The following PLEKHO2 variants were observed in gnomAD, a reference collection of about 807,000 sequenced individuals.
The protein encoded by PLEKHO2 is pleckstrin homology domain-containing family O member 2.
In PLEKHO2, 20 loss-of-function variants were observed where a neutral mutation model predicts 32.7. That is an observed-to-expected ratio of 0.61 (90% CI 0.43 to 0.89). The LOEUF is 0.89. PLEKHO2 is among the 40% of genes least tolerant of loss of function. PLEKHO2 has a pLI of 0.00. For missense variants in PLEKHO2, 568 were observed against 621.2 expected (o/e 0.91, Z 0.91); for synonymous variants, 247 against 246.3 (o/e 1.00, Z -0.03).
At chr15:64,861,237 G>A (rs2084638619) in intron 4 of PLEKHO2, among the ~76,000 whole-genome samples, 2 of 152,252 alleles carry the variant, frequency 1.3e-5, no homozygotes, top group South Asian at 4.1e-4. Context: ...GGCAAGGGCC[G>A]ATGGCCCATA....
chr15:64,859,880 C>T lies in PLEKHO2; in HGVS notation c.280-14C>T, dbSNP rs369936713. 29 of 1,605,884 alleles carry T rather than the reference C, an allele frequency of 1.8e-5. No individual in the cohort carries two copies. The highest frequency in any genetic ancestry group is 2.5e-5 in the Non-Finnish European group (29 of 1,172,644). On this transcript the variant is annotated splice_polypyrimidine_tract_variant and intron_variant, in intron 3 of 5. Coordinates refer to ENST00000323544, the MANE Select transcript of PLEKHO2 (RefSeq NM_025201.5). The stretch of plus-strand genomic sequence containing the variant: ...TTAAACATCTGCCATCTACTCCATC[C>T]ATCTTGCCCACAGGTCAGCGACATC...
rs772358581 is a variant in PLEKHO2, at chr15:64,861,460, G to T, written c.385-17G>T. On this transcript the variant is annotated splice_polypyrimidine_tract_variant and intron_variant, in intron 4 of 5. Transcript: ENST00000323544. ...CCAAGGCTTGGCAGGGGCTGATCTGGTTCCCCCTCCCTCCAGGTAAAGGTG... is the reference window on the plus strand; with the variant it reads ...CCAAGGCTTGGCAGGGGCTGATCTGTTTCCCCCTCCCTCCAGGTAAAGGTG... 5.1e-6 allele frequency: 8 copies of T among 1,569,556 alleles called. No individual in the cohort carries two copies. Among genetic ancestry groups the T allele is most frequent in the Non-Finnish European group, 6.9e-6 (8 of 1,157,236 alleles).
intron 3 of PLEKHO2, among the ~76,000 whole-genome samples, chr15:64,855,993 G>T (rs2084604121): frequency 6.6e-6 from 1 of 152,096 alleles, no homozygotes; most frequent in Admixed American, 6.5e-5. Context: ...TGTGCAGGGG[G>T]TGGGGGCGCA....
rs780514144 is a variant in PLEKHO2, at chr15:64,864,891, C to CA, written c.484-8_484-7insA. On this transcript the variant is annotated splice_region_variant and splice_polypyrimidine_tract_variant and intron_variant, in intron 5 of 5. Transcript: ENST00000323544. ...AAGATGACACCCATATACCATCCCCCCCACCAGGTGGCCAGTGCAGCTTCT... is the reference window on the plus strand; with the variant it reads ...AAGATGACACCCATATACCATCCCCCACCACCAGGTGGCCAGTGCAGCTTCT... The CA allele has an allele frequency of 1.3e-6, 2 of 1,579,472 alleles. No individual in the cohort carries two copies. Among genetic ancestry groups the CA allele is most frequent in the Admixed American group, 1.8e-5 (1 of 57,066 alleles).
chr15:64,842,036 C>T lies in PLEKHO2; in HGVS notation c.12+8C>T, dbSNP rs2084487640. The T allele has an allele frequency of 1.6e-6, 2 of 1,239,244 alleles. No homozygotes were observed. The highest frequency in any genetic ancestry group is 3.6e-5 in the South Asian group (1 of 27,740). 76.8% of individuals were successfully genotyped at this position (1,239,244 alleles called of 1,614,324 possible). A position where few individuals can be genotyped will look rare whatever the true frequency, so the allele number is the denominator to read the frequency against. On this transcript the variant is annotated splice_region_variant and intron_variant, in intron 1 of 5. Transcript: ENST00000323544. ...CTCGCCATGGAGGAGGAGGTGAGGG[C>T]GGGGCCCGGCGGGGCGTTGGGCTGG...
At chr15:64,851,844 G>C (rs757138148) in intron 2 of PLEKHO2, among the ~76,000 whole-genome samples, 1 of 152,124 alleles carries the variant, frequency 6.6e-6, no homozygotes, top group Non-Finnish European at 1.5e-5. Context: ...GGTCCAGTTA[G>C]TGGAGGCCTG....
intron 2 of PLEKHO2, among the ~76,000 whole-genome samples, chr15:64,853,950 T>A (rs80172164): frequency 4.5e-4 from 68 of 152,090 alleles, no homozygotes; most frequent in African/African-American, 1.6e-3. Flanking sequence ...TCAGCAAGGG[T>A]TTCCTTAACT....
At chr15:64,860,107 C>A in intron 4 of PLEKHO2, 109 bp downstream of exon 4, 1 of 903,496 alleles carries the variant, frequency 1.1e-6, no homozygotes, top group East Asian at 2.5e-5. Context: ...TTGATTATGT[C>A]ACTGCTATGG....
intron 1 of PLEKHO2, among the ~76,000 whole-genome samples, chr15:64,843,015 C>G (rs140206785): frequency 1.7e-3 from 266 of 152,276 alleles, no homozygotes; most frequent in Non-Finnish European, 3.5e-3. Flanking sequence ...TCTTTGCCTC[C>G]TTGGATGGGG....
chr15:64,851,886 A>C (rs1183384750), intron 2 of PLEKHO2, among the ~76,000 whole-genome samples: 1 of 152,084 alleles, frequency 6.6e-6, no homozygotes, highest in Admixed American at 6.5e-5. Flanking sequence ...GCTCTCTCTC[A>C]AGCAAGGATT....
At position 64,867,991 on chromosome 15, in the gene PLEKHO2, A is replaced by G. The variant is rs568165415; in HGVS notation, c.*2103A>G. 4.0e-5 allele frequency: 6 copies of G among 151,896 alleles called. No individual in the cohort carries two copies. The highest frequency in any genetic ancestry group is 6.6e-5 in the Admixed American group (1 of 15,242). 9.4% of individuals were successfully genotyped at this position (151,896 alleles called of 1,614,324 possible). ...TTTCTTAAAGTTTGGCAATAAATCC[A>G]TTTTTATGGAACTTCAGTGCCTCAA... is the stretch of plus-strand genomic sequence containing the variant. On this transcript the variant is annotated 3_prime_UTR_variant, in exon 6 of 6. Coordinates refer to ENST00000323544, the MANE Select transcript of PLEKHO2 (RefSeq NM_025201.5).
chr15:64,847,689 T>C (rs7178913), intron 1 of PLEKHO2, among the ~76,000 whole-genome samples: 2,059 of 152,156 alleles, frequency 0.014, 45 homozygotes, highest in African/African-American at 0.047. Context: ...GGCTCCAGGG[T>C]GTCTACCCAA....
intron 3 of PLEKHO2, among the ~76,000 whole-genome samples, chr15:64,858,363 G>C (rs926097618): frequency 8.5e-5 from 13 of 152,196 alleles, no homozygotes; most frequent in Non-Finnish European, 1.6e-4. Flanking sequence ...TACATAACTG[G>C]AGAGTGGAGG....
chr15:64,851,151 G>A (rs2084565328), intron 2 of PLEKHO2, among the ~76,000 whole-genome samples: 1 of 152,216 alleles, frequency 6.6e-6, no homozygotes, highest in African/African-American at 2.4e-5. Context: ...TGGGAAGAGG[G>A]CAAGGGAATG....
At chr15:64,847,004 C>A (rs1189502847) in intron 1 of PLEKHO2, among the ~76,000 whole-genome samples, 1 of 152,218 alleles carries the variant, frequency 6.6e-6, no homozygotes, top group Admixed American at 6.5e-5. Context: ...GAGTTGGATT[C>A]CTTACAACTT....
intron 1 of PLEKHO2, among the ~76,000 whole-genome samples, chr15:64,842,595 T>C (rs960174320): frequency 3.3e-5 from 5 of 151,824 alleles, no homozygotes; most frequent in Admixed American, 6.6e-5. Context: ...TTCTCCCTTG[T>C]ATAAGTCTCT....
rs573093463 is a variant in PLEKHO2, at chr15:64,862,249, G to C, written c.483+674G>C. On this transcript the variant is annotated intron_variant, in intron 5 of 5. Transcript: ENST00000323544. ...GAGGTCAGTTTGAGGCTCTGGGTAGGATGGGTTGGGTTGAGAGAGGGAAAG... is the reference window on the plus strand; with the variant it reads ...GAGGTCAGTTTGAGGCTCTGGGTAGCATGGGTTGGGTTGAGAGAGGGAAAG... 2.6e-5 allele frequency among the ~76,000 whole-genome samples: 4 copies of C among 152,216 alleles called. No individual in the cohort carries two copies. The East Asian group carries it at 7.7e-4, about 29-fold the overall frequency.
rs1041855496 is a variant in PLEKHO2 at position 64,866,030 on chromosome 15, G to A, written c.*142G>A. ...GCATGTCAGGGTTTGGCCATGACCC[G>A]AAGAGACTCCTGGCGTCCTTCCTAC... On this transcript the variant is annotated 3_prime_UTR_variant, in exon 6 of 6. Transcript: ENST00000323544. 1.7e-5 allele frequency: 19 copies of A among 1,116,108 alleles called. No individual in the cohort carries two copies. The highest frequency in any genetic ancestry group is 3.2e-5 in the African/African-American group (2 of 63,468). The allele number at this position is 1,116,108 out of a possible 1,614,324, so 69.1% of individuals were successfully genotyped here. A position where few individuals can be genotyped will look rare whatever the true frequency, so the allele number is the denominator to read the frequency against.
At chr15:64,864,187 G>A (rs1206988731) in intron 5 of PLEKHO2, among the ~76,000 whole-genome samples, 1 of 152,186 alleles carries the variant, frequency 6.6e-6, no homozygotes, top group Admixed American at 6.5e-5. Context: ...TCATGACTGT[G>A]GGACTGCTGG....
Sources: gnomAD v4.1 joint callset for allele counts (sites outside exome capture counted in the v4.1 genomes callset) on GRCh38, gnomAD v4.1.1 for gene constraint, MANE v1.5 for transcripts, NCBI Gene and HGNC (gene_info 2026-07-23, HGNC 2026-07-21) for gene names.